MMP17: variants seen among roughly 807,000 people sequenced by gnomAD.
MMP17 encodes the protein matrix metallopeptidase 17, also known as matrix metalloproteinase-17.
In MMP17, 54 loss-of-function variants were observed where a neutral mutation model predicts 49.1. The ratio of observed to expected loss-of-function variants is 1.10; its 90% CI spans 0.88 to 1.38. MMP17 has a LOEUF of 1.38. Ranked by LOEUF, MMP17 falls within the 40% of genes most tolerant of loss-of-function variation. The probability of loss-of-function intolerance (pLI) is 0.00; values close to 1 mark genes in which losing one functional copy is unlikely to be tolerated. For missense variants in MMP17, 837 were observed against 853.7 expected, an observed-to-expected ratio of 0.98 and a Z score of 0.24; for synonymous variants, 397 against 383.1, an observed-to-expected ratio of 1.04 and a Z score of -0.42.
At chr12:131,834,055 G>C (rs1886953447) in intron 1 of MMP17, among the ~76,000 whole-genome samples, 1 of 152,270 alleles carries the variant, frequency 6.6e-6, no homozygotes, top group Admixed American at 6.5e-5. Context: ...GCAGCTGCCT[G>C]CATCTGCGTC....
intron 5 of MMP17, among the ~76,000 whole-genome samples, chr12:131,843,157 A>T (rs7485997): frequency 0.049 from 7,328 of 149,868 alleles, 384 homozygotes; most frequent in East Asian, 0.29. Flanking sequence ...TTTAGTAGAG[A>T]CGGGGTTTCA....
At chr12:131,849,374 C>T (rs1014911384) in intron 8 of MMP17, among the ~76,000 whole-genome samples, 2 of 152,248 alleles carry the variant, frequency 1.3e-5, no homozygotes, top group East Asian at 1.9e-4. Context: ...ATCCCAGCTA[C>T]GCGGGAGGCT....
At position 131,843,977 on chromosome 12, in the gene MMP17, C is replaced by T. The variant is rs765403311; in HGVS notation, c.884-20C>T. 7 of 1,529,360 alleles carry T rather than the reference C, an allele frequency of 4.6e-6. No homozygotes were observed. The African/African-American group carries it at 9.7e-5, about 21-fold the overall frequency. The allele number at this position is 1,529,360 out of a possible 1,614,324, so 94.7% of individuals were successfully genotyped here. On this transcript the variant is annotated intron_variant, in intron 5 of 9. Transcript: ENST00000360564. ...CGGGCGTCGGGGGTTTGAGGCCGTC[C>T]TCCTCCTTGTCTCCCGCAGGTGTGC...
At chr12:131,829,222 C>T (rs963835601) in intron 1 of MMP17, among the ~76,000 whole-genome samples, 17 of 152,188 alleles carry the variant, frequency 1.1e-4, no homozygotes, top group Admixed American at 9.2e-4. Flanking sequence ...GCCTCCTTCC[C>T]CTCCACCCCA....
rs769133357 is a variant in MMP17 at position 131,840,848 on chromosome 12, G to A, written c.698G>A (p.Arg233His). ...HFDDDEAWTF[R>H]SSDAHGMDLF... The stretch of plus-strand genomic sequence containing the variant: ...GACGATGACGAGGCCTGGACCTTCC[G>A]CTCCTCGGGTGCGTCTGGGGCAGCC... Residue 233 changes from arginine to histidine, a missense_variant, in exon 4 of 10, where the codon CGC becomes CAC. Coordinates refer to ENST00000360564, the MANE Select transcript of MMP17 (RefSeq NM_016155.7). 1.9e-5 allele frequency: 31 copies of A among 1,598,074 alleles called. No individual in the cohort carries two copies. Among genetic ancestry groups the A allele is most frequent in the African/African-American group, 1.2e-4 (9 of 74,856 alleles).
intron 1 of MMP17, among the ~76,000 whole-genome samples, chr12:131,836,616 A>G (rs1301612062): frequency 1.3e-5 from 2 of 151,876 alleles, no homozygotes; most frequent in African/African-American, 4.8e-5. Context: ...TGATTTGGCC[A>G]ATGAATACAT....
intron 6 of MMP17, chr12:131,844,699 GGACATGCACCTT>G: frequency 4.0e-6 from 1 of 248,134 alleles, no homozygotes; most frequent in Non-Finnish European, 8.0e-6. Context: ...GTCTCTCGGT[GGACATGCACCTT>G]GTCCCTGACC....
chr12:131,835,807 A>G (rs907573332), intron 1 of MMP17, among the ~76,000 whole-genome samples: 1 of 152,242 alleles, frequency 6.6e-6, no homozygotes, highest in Non-Finnish European at 1.5e-5. Context: ...CATGAGGCAC[A>G]GTGGCCCTGT....
At chr12:131,838,998 GC>G (rs1468055342) in intron 3 of MMP17, among the ~76,000 whole-genome samples, 1 of 152,190 alleles carries the variant, frequency 6.6e-6, no homozygotes, top group Non-Finnish European at 1.5e-5. Context: ...CCGTGTCTGG[GC>G]CTGCTGTAGA....
chr12:131,840,398 A>C, intron 3 of MMP17, 175 bp from the exon 4 acceptor site: 1 of 618,802 alleles, frequency 1.6e-6, no homozygotes. Flanking sequence ...ATCCCAGTGA[A>C]CTACTGGAAC....
rs370586690 is a variant in MMP17, at chr12:131,849,857, C to G, written c.1260C>G (p.Pro420=). 6.2e-6 allele frequency: 10 copies of G among 1,614,036 alleles called. No individual in the cohort carries two copies. Among genetic ancestry groups the G allele is most frequent in the Middle Eastern group, 1.7e-4 (1 of 6,060 alleles). ...DNNVEEGYPR[P]VSDFSLPPGG... is the part of the protein sequence containing the mutation. ...ACGTAGAGGAAGGATACCCGCGCCC[C>G]GTCTCCGACTTCAGCCTCCCGCCTG... The change falls in exon 9 of 10, where the codon CCC becomes CCG. Residue 420 remains proline (P), a synonymous_variant. Transcript: ENST00000360564.
intron 4 of MMP17, among the ~76,000 whole-genome samples, chr12:131,841,329 C>T (rs984434395): frequency 6.6e-6 from 1 of 152,204 alleles, no homozygotes; most frequent in Non-Finnish European, 1.5e-5. Context: ...CGACACCTGG[C>T]CCCATGTAAC....
intron 9 of MMP17, 28 bp from the exon 10 acceptor site, chr12:131,850,895 CCT>C: frequency 6.9e-7 from 1 of 1,443,600 alleles, no homozygotes; most frequent in Admixed American, 2.7e-5. Flanking sequence ...GCAGCCCTCC[CCT>C]GAGCTCAGCT....
chr12:131,835,953 G>A (rs959842531), intron 1 of MMP17, among the ~76,000 whole-genome samples: 6 of 152,194 alleles, frequency 3.9e-5, no homozygotes, highest in African/African-American at 9.6e-5. Flanking sequence ...CCGGATGCTC[G>A]GGGCCAAAGA....
intron 8 of MMP17, among the ~76,000 whole-genome samples, chr12:131,845,904 C>G (rs1887680869): frequency 6.6e-6 from 1 of 152,156 alleles, no homozygotes; most frequent in African/African-American, 2.4e-5. Context: ...AGCTGGAGTA[C>G]CAGGGGCCTG....
rs533021989 is a variant in MMP17 at position 131,848,884 on chromosome 12, G to A, written c.1205-918G>A. ...CTGCTATGAGCGTGAGTGTGCAAAC[G>A]TCTCTCCAAGACCCTGCTTTCGGTT... On this transcript the variant is annotated intron_variant, in intron 8 of 9. Coordinates refer to ENST00000360564, the MANE Select transcript of MMP17 (RefSeq NM_016155.7). Among the ~76,000 whole-genome samples the A allele has an allele frequency of 3.7e-4, 57 of 152,190 alleles. 1 individual carries two copies. Among genetic ancestry groups the A allele is most frequent in the Non-Finnish European group, 7.1e-4 (48 of 68,034 alleles).
chr12:131,844,170 G>C, intron 6 of MMP17, 89 bp downstream of exon 6: 2 of 1,133,878 alleles, frequency 1.8e-6, no homozygotes, highest in South Asian at 2.7e-5. Context: ...TCGTGGCTCA[G>C]AGTCCTGGGA....
intron 5 of MMP17, among the ~76,000 whole-genome samples, chr12:131,842,869 C>G (rs991590195): frequency 1.3e-5 from 2 of 152,150 alleles, no homozygotes; most frequent in Admixed American, 1.3e-4. Flanking sequence ...TATCTGGTTC[C>G]AGAACTTTTT....
chr12:131,851,112 C>A lies in MMP17; in HGVS notation c.1650C>A (p.Asp550Glu). 1 of 1,594,820 alleles carries A rather than the reference C, an allele frequency of 6.3e-7. No homozygotes were observed. The highest frequency in any genetic ancestry group is 8.5e-7 in the Non-Finnish European group (1 of 1,171,430). Residue 550 changes from aspartate to glutamate, a missense_variant, in exon 10 of 10, where the codon GAC becomes GAA. Coordinates refer to ENST00000360564, the MANE Select transcript of MMP17 (RefSeq NM_016155.7). ...CCCGCGCCCCTCCAGGACAACATGA[C>A]CAGAGCCGCTCGGAGGACGGTTACG... ...EGPRAPPGQH[D>E]QSRSEDGYEV...
Sources: allele counts gnomAD v4.1 joint callset (sites outside exome capture counted in the v4.1 genomes callset), GRCh38; gene constraint gnomAD v4.1.1; transcripts MANE v1.5; gene names NCBI Gene and HGNC (gene_info 2026-07-23, HGNC 2026-07-21).